MYO1D: variants seen among roughly 807,000 people sequenced by gnomAD.
The protein encoded by MYO1D is myosin ID.
A neutral mutation model predicts 122.0 loss-of-function variants in MYO1D; 83 were observed. The ratio of observed to expected loss-of-function variants is 0.68; its 90% CI spans 0.57 to 0.82. MYO1D has a LOEUF of 0.82. MYO1D is among the 40% of genes least tolerant of loss of function. The pLI is 0.00. For missense variants in MYO1D, 1,157 were observed against 1,269.5 expected, an observed-to-expected ratio of 0.91 and a Z score of 1.35; for synonymous variants, 464 against 446.9, an observed-to-expected ratio of 1.04 and a Z score of -0.48.
At chr17:32,682,767 CTGT>C (rs1365183455) in intron 16 of MYO1D, among the ~76,000 whole-genome samples, 1 of 119,994 alleles carries the variant, frequency 8.3e-6, no homozygotes, top group Non-Finnish European at 1.7e-5. Context: ...GCGGCGTTCT[CTGT>C]ATTTCCTGAA....
chr17:32,780,620 T>C lies in MYO1D; in HGVS notation c.260A>G (p.Lys87Arg), dbSNP rs1466698038. The C allele has an allele frequency of 1.2e-6, 2 of 1,614,044 alleles. No homozygotes were observed. Among genetic ancestry groups the C allele is most frequent in the African/African-American group, 1.3e-5 (1 of 74,904 alleles). Residue 87 changes from lysine (K) to arginine (R), a missense_variant, in exon 2 of 22, where the codon AAG becomes AGG. Transcript: ENST00000318217. ...HLFAIADAAY[K>R]AMKRRSKDTC... ...GTCTTTTGATCGCCTCTTCATAGCCTTGTAAGCAGCATCCGCAATAGCAAA... is the reference window on the plus strand; with the variant it reads ...GTCTTTTGATCGCCTCTTCATAGCCCTGTAAGCAGCATCCGCAATAGCAAA...
chr17:32,706,281 A>G (rs1304930414), intron 16 of MYO1D, among the ~76,000 whole-genome samples: 2 of 151,944 alleles, frequency 1.3e-5, no homozygotes, highest in Non-Finnish European at 2.9e-5. Context: ...TAATTTTTGT[A>G]TTTTTAGTAG....
At chr17:32,667,754 A>T (rs2088656029) in intron 16 of MYO1D, among the ~76,000 whole-genome samples, 1 of 152,176 alleles carries the variant, frequency 6.6e-6, no homozygotes, top group South Asian at 2.1e-4. Context: ...TTGACCCATG[A>T]ACCTTCGTTT....
intron 21 of MYO1D, among the ~76,000 whole-genome samples, chr17:32,584,247 C>A (rs946775088): frequency 6.6e-6 from 1 of 152,194 alleles, no homozygotes; most frequent in Non-Finnish European, 1.5e-5. Flanking sequence ...TATACTTCCA[C>A]AAACTTATTA....
At chr17:32,564,682 T>C (rs1463673904) in intron 21 of MYO1D, among the ~76,000 whole-genome samples, 1 of 152,156 alleles carries the variant, frequency 6.6e-6, no homozygotes, top group Non-Finnish European at 1.5e-5. Context: ...GACTACAAAG[T>C]AAGTGGCAAA....
chr17:32,553,107 A>C lies in MYO1D; in HGVS notation c.2864+51980T>G, dbSNP rs577830050. On this transcript the variant is annotated intron_variant, in intron 21 of 21. Coordinates refer to ENST00000318217, the MANE Select transcript of MYO1D (RefSeq NM_015194.3). ...AAAAAAAAACAAAAAACAAAACAAA[A>C]AAAAAAACAAAAAAACCAGCAGCAT... Among the ~76,000 whole-genome samples the C allele has an allele frequency of 4.8e-3, 724 of 151,462 alleles. 7 individuals carry two copies. The highest frequency in any genetic ancestry group is 0.017 in the African/African-American group (689 of 41,234).
chr17:32,653,789 T>C (rs546779927), intron 19 of MYO1D, 54 bp downstream of exon 19: 3 of 1,478,792 alleles, frequency 2.0e-6, no homozygotes, highest in African/African-American at 1.4e-5. Flanking sequence ...TTAAGTGAGT[T>C]TCATCTGAAT....
chr17:32,592,084 A>C (rs1277770035), intron 21 of MYO1D, among the ~76,000 whole-genome samples: 7 of 152,140 alleles, frequency 4.6e-5, no homozygotes, highest in Non-Finnish European at 5.9e-5. Flanking sequence ...TTTTCTCTTT[A>C]TTATATCTTG....
intron 21 of MYO1D, among the ~76,000 whole-genome samples, chr17:32,551,909 C>A (rs1031604197): frequency 1.3e-5 from 2 of 152,120 alleles, no homozygotes; most frequent in Non-Finnish European, 2.9e-5. Context: ...TTGTCCTTAG[C>A]CTAGAAGCAT....
intron 21 of MYO1D, among the ~76,000 whole-genome samples, chr17:32,565,489 T>C (rs994837911): frequency 6.6e-6 from 1 of 152,198 alleles, no homozygotes; most frequent in Non-Finnish European, 1.5e-5. Flanking sequence ...CTGGAATCTA[T>C]TCAGCCCTTA....
intron 19 of MYO1D, among the ~76,000 whole-genome samples, chr17:32,639,359 A>C: frequency 9.6e-6 from 1 of 104,510 alleles, no homozygotes; most frequent in South Asian, 3.2e-4. Flanking sequence ...GATTGGGAGA[A>C]ATTTTGTGTG....
chr17:32,589,431 C>T (rs2087419194), intron 21 of MYO1D, among the ~76,000 whole-genome samples: 1 of 152,162 alleles, frequency 6.6e-6, no homozygotes, highest in Non-Finnish European at 1.5e-5. Context: ...GGAAAGTGGT[C>T]CGGGTTGGGT....
At chr17:32,678,291 G>T (rs1275946772) in intron 16 of MYO1D, among the ~76,000 whole-genome samples, 1 of 151,294 alleles carries the variant, frequency 6.6e-6, no homozygotes, top group East Asian at 1.9e-4. Flanking sequence ...ACGTTTTAGG[G>T]TACATGTGCA....
chr17:32,795,799 C>T (rs57086913), intron 1 of MYO1D, among the ~76,000 whole-genome samples: 3,844 of 151,854 alleles, frequency 0.025, 130 homozygotes, highest in East Asian at 0.19. Flanking sequence ...AGAGGCCATC[C>T]GGGTACAACA....
At chr17:32,841,332 G>T (rs537402585) in intron 1 of MYO1D, among the ~76,000 whole-genome samples, 1 of 152,108 alleles carries the variant, frequency 6.6e-6, no homozygotes, top group African/African-American at 2.4e-5. Context: ...AGCCAGGCAC[G>T]GTTGCATGCT....
chr17:32,569,591 G>T (rs2087204231), intron 21 of MYO1D, among the ~76,000 whole-genome samples: 1 of 152,180 alleles, frequency 6.6e-6, no homozygotes, highest in Non-Finnish European at 1.5e-5. Flanking sequence ...GATGAGCAAT[G>T]GGAGACGCCC....
At chr17:32,611,974 G>A (rs1213002024) in intron 20 of MYO1D, among the ~76,000 whole-genome samples, 2 of 152,218 alleles carry the variant, frequency 1.3e-5, no homozygotes, top group Non-Finnish European at 2.9e-5. Flanking sequence ...AAAAGGATGT[G>A]TAAGGTTCTA....
chr17:32,802,327 C>T (rs1052666263), intron 1 of MYO1D, among the ~76,000 whole-genome samples: 1 of 152,160 alleles, frequency 6.6e-6, no homozygotes, highest in African/African-American at 2.4e-5. Flanking sequence ...AAGGTACTAA[C>T]AGTTTGGATG....
At chr17:32,560,528 CATATATATATAT>C (rs56214129) in intron 21 of MYO1D, among the ~76,000 whole-genome samples, 6,747 of 65,410 alleles carry the variant, frequency 0.1, 771 homozygotes, top group Middle Eastern at 0.15. Flanking sequence ...CCAGAGACAA[CATATATATATAT>C]ATATATATAT....
Sources: allele counts gnomAD v4.1 joint callset (sites outside exome capture counted in the v4.1 genomes callset), GRCh38; gene constraint gnomAD v4.1.1; transcripts MANE v1.5; gene names NCBI Gene and HGNC (gene_info 2026-07-23, HGNC 2026-07-21).